Variants in SPTB observed in about 807,000 individuals in gnomAD.
SPTB encodes spectrin beta chain, erythrocytic.
In SPTB, 45 loss-of-function variants were observed where a neutral mutation model predicts 256.2. That is an observed-to-expected ratio of 0.18 (90% CI 0.14 to 0.23). The LOEUF (loss-of-function observed/expected upper bound fraction) is 0.23. Ranked by LOEUF, SPTB falls within the 10% of genes least tolerant of loss-of-function variation. The pLI is 1.00. For missense variants in SPTB, 2,715 were observed against 3,040.4 expected (o/e 0.89, Z 2.52); for synonymous variants, 1,231 against 1,243.1 (o/e 0.99, Z 0.21).
rs1566761692 is a variant in SPTB at position 64,790,339 on chromosome 14, T to A, written c.2804+1380A>T. On this transcript the variant is annotated intron_variant, in intron 15 of 35. Coordinates refer to ENST00000644917, the MANE Select transcript of SPTB (RefSeq NM_001355436.2). The surrounding 1 kb of genome is among the most constrained non-coding windows in gnomAD (Gnocchi z 4.8). ...ATAGTTTATTGTTGAGCTGATGAGTTCTTCCTCTCAGGAAGTTTCTCTGGT... is the reference window on the plus strand; with the variant it reads ...ATAGTTTATTGTTGAGCTGATGAGTACTTCCTCTCAGGAAGTTTCTCTGGT... 6.6e-6 allele frequency among the ~76,000 whole-genome samples: 1 copy of A among 152,226 alleles called. No individual in the cohort carries two copies. Among genetic ancestry groups the A allele is most frequent in the Admixed American group, 6.5e-5 (1 of 15,282 alleles).
In SPTB at chr14:64,793,723, T is replaced by C; in HGVS notation, c.1940A>G (p.Asp647Gly). 1 of 1,614,180 alleles carries C rather than the reference T, an allele frequency of 6.2e-7. No homozygotes were observed. The highest frequency in any genetic ancestry group is 8.5e-7 in the Non-Finnish European group (1 of 1,180,038). ...KRLWKFFWEM[D>G]EAESWIKEKE... ...CTCCTTGATCCAGCTCTCAGCCTCA[T>C]CCATCTCCCAGAAGAACTTCCAGAG... The change falls in exon 14 of 36, where the codon GAT (aspartate) becomes GGT (glycine). Residue 647 changes from aspartate (D) to glycine (G), a missense_variant. By Grantham distance (94) the Asp-to-Gly change is moderately conservative. Transcript: ENST00000644917. The surrounding 1 kb of genome is among the most constrained non-coding windows in gnomAD (Gnocchi z 7.0).
At position 64,759,633 on chromosome 14, in the gene SPTB, C is replaced by G. The variant is rs911781071; in HGVS notation, c.6346-5840G>C. Among the ~76,000 whole-genome samples the G allele has an allele frequency of 1.3e-5, 2 of 152,220 alleles. No homozygotes were observed. Among genetic ancestry groups the G allele is most frequent in the Non-Finnish European group, 2.9e-5 (2 of 68,044 alleles). On this transcript the variant is annotated intron_variant, in intron 32 of 35. Coordinates refer to ENST00000644917, the MANE Select transcript of SPTB (RefSeq NM_001355436.2). This position sits in a 1 kb window ranked among gnomAD's most constrained non-coding sequence, Gnocchi z 4.8. ...TGTGGCTGAGATGTGACTAAGGGAC[C>G]GGCAGGTTCTGCCCAAAGGCAGCAT...
In SPTB at chr14:64,748,869, TGACCCGAAGCAA is replaced by T. The variant is rs1448379702; in HGVS notation, c.*425_*436del. The T allele has an allele frequency of 6.0e-6, 1 of 167,174 alleles. No homozygotes were observed. The highest frequency in any genetic ancestry group is 1.8e-4 in the East Asian group (1 of 5,462). 10.4% of individuals were successfully genotyped at this position (167,174 alleles called of 1,614,324 possible). Reference sequence around the variant, plus strand: ...TCCCTGGCTGCCACCAGGTGGGAGGTGACCCGAAGCAAGACTTGCTTTAGGAACGGGCAGCGT... The same window carrying T: ...TCCCTGGCTGCCACCAGGTGGGAGGTGACTTGCTTTAGGAACGGGCAGCGT... On this transcript the variant is annotated 3_prime_UTR_variant, in exon 36 of 36. Coordinates refer to ENST00000644917, the MANE Select transcript of SPTB (RefSeq NM_001355436.2).
chr14:64,854,274 CTTT>C (rs1206368948), intron 1 of SPTB, among the ~76,000 whole-genome samples: 1 of 73,260 alleles, frequency 1.4e-5, no homozygotes, highest in Non-Finnish European at 2.4e-5. Flanking sequence ...TTTCCAAACT[CTTT>C]TTTTTTTTTT....
At chr14:64,769,803 G>GC (rs2082251122) in intron 27 of SPTB, 75 bp from the exon 28 acceptor site, 2 of 1,596,110 alleles carry the variant, frequency 1.3e-6, no homozygotes, top group East Asian at 4.5e-5. Context: ...AACCAGAGGG[G>GC]CCCACCTCCC....
intron 1 of SPTB, among the ~76,000 whole-genome samples, chr14:64,829,231 C>T (rs1233809851): frequency 6.6e-6 from 1 of 152,098 alleles, no homozygotes; most frequent in African/African-American, 2.4e-5. Flanking sequence ...AGATAAATAA[C>T]AACTTGAGGA....
intron 18 of SPTB, 142 bp from the exon 19 acceptor site, chr14:64,784,535 A>G (rs2082529208): frequency 1.7e-6 from 2 of 1,148,716 alleles, no homozygotes; most frequent in Non-Finnish European, 2.6e-6. Flanking sequence ...GCAGTTCTGG[A>G]TCCCTCTGTA....
At chr14:64,800,150 C>T (rs999319939) in intron 8 of SPTB, among the ~76,000 whole-genome samples, 2 of 152,212 alleles carry the variant, frequency 1.3e-5, no homozygotes, top group East Asian at 1.9e-4. Flanking sequence ...CAATCGGCAG[C>T]GAGCTGGCCT....
In SPTB at chr14:64,807,580, G is replaced by A. The variant is rs1179969967; in HGVS notation, c.149-2490C>T. Among the ~76,000 whole-genome samples the A allele has an allele frequency of 6.6e-6, 1 of 152,250 alleles. No individual in the cohort carries two copies. Among genetic ancestry groups the A allele is most frequent in the African/African-American group, 2.4e-5 (1 of 41,458 alleles). ...GCCCCAAAACGCTTTGCAATGTTGA[G>A]ACACAGAAAGATTTCGAGAGGCTAA... On this transcript the variant is annotated intron_variant, in intron 2 of 35. Transcript: ENST00000644917. The surrounding 1 kb of genome is among the most constrained non-coding windows in gnomAD (Gnocchi z 4.7).
chr14:64,839,495 T>C (rs1449090492), intron 1 of SPTB, among the ~76,000 whole-genome samples: 1 of 152,196 alleles, frequency 6.6e-6, no homozygotes, highest in East Asian at 1.9e-4. Flanking sequence ...ATGATGGTGA[T>C]ACAAGTATAT....
chr14:64,803,760 C>G lies in SPTB; in HGVS notation c.321G>C (p.Lys107Asn). Residue 107 changes from lysine to asparagine, a missense_variant, in exon 4 of 36, where the codon AAG becomes AAC. By Grantham distance (94) the Lys-to-Asn change is moderately conservative. Coordinates refer to ENST00000644917, the MANE Select transcript of SPTB (RefSeq NM_001355436.2). ...GEMLPKPTKG[K>N]MRIHCLENVD... Reference sequence around the variant, plus strand: ...CATTCTCCAGGCAGTGGATGCGCATCTTCCCCTTGGTGGGCTTTGGCTGGG... The same window carrying G: ...CATTCTCCAGGCAGTGGATGCGCATGTTCCCCTTGGTGGGCTTTGGCTGGG... 6.2e-7 allele frequency: 1 copy of G among 1,613,076 alleles called. No individual in the cohort carries two copies. The highest frequency in any genetic ancestry group is 8.5e-7 in the Non-Finnish European group (1 of 1,179,450).
intron 2 of SPTB, among the ~76,000 whole-genome samples, chr14:64,814,083 A>G (rs573907272): frequency 6.6e-6 from 1 of 152,332 alleles, no homozygotes; most frequent in Non-Finnish European, 1.5e-5. Context: ...TCTAAGATGG[A>G]ACTTTAGGAT....
In SPTB at chr14:64,749,324, G is replaced by A. The variant is rs1566729346; in HGVS notation, c.6969C>T (p.Phe2323=). The A allele has an allele frequency of 6.2e-7, 1 of 1,607,016 alleles. No individual in the cohort carries two copies. ...CCACCTGCTACTTCTTTTTGGGGAA[G>A]AAGCTGAATCTCTTCTCCTTGTCTT... ...GKKDKEKRFS[F]FPKKK Residue 2323 remains phenylalanine, a synonymous_variant, in exon 36 of 36, where the codon TTC becomes TTT. Transcript: ENST00000644917. This position sits in a 1 kb window ranked among gnomAD's most constrained non-coding sequence, Gnocchi z 4.7.
chr14:64,832,936 C>G (rs1232616834), intron 1 of SPTB, among the ~76,000 whole-genome samples: 6 of 152,202 alleles, frequency 3.9e-5, no homozygotes, highest in African/African-American at 1.4e-4. Flanking sequence ...TGAGGCCAGA[C>G]AGGCCATCCT....
intron 1 of SPTB, among the ~76,000 whole-genome samples, chr14:64,842,157 T>G (rs905258113): frequency 1.3e-5 from 2 of 152,216 alleles, no homozygotes; most frequent in African/African-American, 4.8e-5. Context: ...TGCGGGGCCA[T>G]GGTGGTGGAC....
chr14:64,783,286 C>A (rs949894435), intron 19 of SPTB, among the ~76,000 whole-genome samples: 2 of 152,074 alleles, frequency 1.3e-5, no homozygotes, highest in Non-Finnish European at 2.9e-5. Flanking sequence ...TCACTGCAAC[C>A]TCCGCCCCCC....
chr14:64,797,878 G>A, intron 9 of SPTB, 32 bp from the exon 10 acceptor site: 2 of 1,580,818 alleles, frequency 1.3e-6, no homozygotes, highest in Non-Finnish European at 1.7e-6. Context: ...GAAGACTGAT[G>A]TTAAGATCTC....
chr14:64,871,642 C>T (rs1438654698), intron 1 of SPTB, among the ~76,000 whole-genome samples: 1 of 152,180 alleles, frequency 6.6e-6, no homozygotes, highest in Non-Finnish European at 1.5e-5. Context: ...AAAGCTATGA[C>T]TTTAAAATGT....
At position 64,866,307 on chromosome 14, in the gene SPTB, C is replaced by CT. The variant is rs1481655498; in HGVS notation, c.-52+13484dup. 1.3e-5 allele frequency among the ~76,000 whole-genome samples: 2 copies of CT among 152,212 alleles called. No individual in the cohort carries two copies. Among genetic ancestry groups the CT allele is most frequent in the African/African-American group, 4.8e-5 (2 of 41,450 alleles). On this transcript the variant is annotated intron_variant, in intron 1 of 35. Transcript: ENST00000644917. This position sits in a 1 kb window ranked among gnomAD's most constrained non-coding sequence, Gnocchi z 4.6. ...TTTGCTGACTGTTGTCTGCTTATCG[C>CT]TGGCCTCAGGACACCCGTAAGAGCT...
Sources: gnomAD v4.1 joint callset for allele counts (sites outside exome capture counted in the v4.1 genomes callset) on GRCh38, gnomAD v4.1.1 for gene constraint, Gnocchi (gnomAD v3.1) non-coding constraint, MANE v1.5 for transcripts, NCBI Gene and HGNC (gene_info 2026-07-23, HGNC 2026-07-21) for gene names.